FYCO1: variants seen among roughly 807,000 people sequenced by gnomAD.
The protein encoded by FYCO1 is FYVE and coiled-coil domain autophagy adaptor 1.
Under a neutral mutation model 165.1 loss-of-function variants are expected in FYCO1, and 122 were observed. The observed-to-expected ratio is 0.74, with a 90% CI of 0.64 to 0.86. FYCO1 has a LOEUF of 0.86. FYCO1 is among the 40% of genes least tolerant of loss of function. The pLI is 0.00. For missense variants in FYCO1, 1,702 were observed against 1,810.3 expected, an observed-to-expected ratio of 0.94 and a Z score of 1.09; for synonymous variants, 648 against 742.5, an observed-to-expected ratio of 0.87 and a Z score of 2.07.
At chr3:45,991,018 T>C (rs1441926694) in intron 1 of FYCO1, among the ~76,000 whole-genome samples, 1 of 152,128 alleles carries the variant, frequency 6.6e-6, no homozygotes, top group Admixed American at 6.5e-5. Flanking sequence ...GACCTCGTGA[T>C]CCACCCGCCT....
chr3:45,994,702 G>C (rs1362222467), intron 1 of FYCO1, among the ~76,000 whole-genome samples: 1 of 151,908 alleles, frequency 6.6e-6, no homozygotes, highest in Non-Finnish European at 1.5e-5. Flanking sequence ...CAGATGGCAG[G>C]GGAATTAAGC....
rs1219920869 is a variant in FYCO1 at position 45,973,163 on chromosome 3, T to C, written c.464A>G (p.Tyr155Cys). ...KLSSDIVGQL[Y>C]ELTEVQFDLA... ...GTCAAACTGAACCTCAGTCAGCTCA[T>C]AGAGTTGGCCCACAATGTCCGAGCT... Residue 155 changes from tyrosine to cysteine, a missense_variant, in exon 6 of 18, where the codon TAT (tyrosine) becomes TGT (cysteine). Physicochemically the swap from Tyr to Cys is radical, Grantham distance 194 (BLOSUM62 -2). Coordinates refer to ENST00000296137, the MANE Select transcript of FYCO1 (RefSeq NM_024513.4). 21 of 1,614,102 alleles carry C rather than the reference T, an allele frequency of 1.3e-5. No homozygotes were observed. The highest frequency in any genetic ancestry group is 4.0e-5 in the African/African-American group (3 of 74,940).
Position 45,947,174 on chromosome 3 carries a change from G to A in FYCO1, c.3944+8075C>T, listed in dbSNP as rs767173323. The A allele has an allele frequency of 4.5e-5, 73 of 1,614,048 alleles. 1 individual carries two copies. The Admixed American group carries it at 1.2e-3, about 27-fold the overall frequency. On this transcript the variant is annotated intron_variant, in intron 14 of 17. Transcript: ENST00000296137. ...GCTTCCAGAAGCACAGATCTCTAAA[G>A]ATCATCTTCCTGGTGATGGCTGTGT...
intron 1 of FYCO1, among the ~76,000 whole-genome samples, chr3:45,994,189 G>A (rs1266512666): frequency 6.7e-6 from 1 of 149,438 alleles, no homozygotes; most frequent in African/African-American, 2.5e-5. Flanking sequence ...ATCACTGCCT[G>A]AGACTGTTAC....
chr3:45,974,918 C>A (rs1383058750), intron 5 of FYCO1, among the ~76,000 whole-genome samples: 1 of 152,200 alleles, frequency 6.6e-6, no homozygotes, highest in Non-Finnish European at 1.5e-5. Flanking sequence ...ACCTGTCTGT[C>A]CAGTAGTGCT....
At chr3:45,985,879 GA>G (rs1460855461) in intron 1 of FYCO1, among the ~76,000 whole-genome samples, 1 of 152,236 alleles carries the variant, frequency 6.6e-6, no homozygotes, top group African/African-American at 2.4e-5. Context: ...CGTCCTTTCA[GA>G]ACCTCTCATT....
chr3:45,955,357 A>G lies in FYCO1; in HGVS notation c.3836T>C (p.Val1279Ala). ...NTDYRPPDDA[V>A]FDIITDEELC... ...TTCCTCATCTGTGATGATATCAAAC[A>G]CAGCGTCGTCCGGTGGCCTGTAGTC... The change falls in exon 14 of 18, where the codon GTG becomes GCG. Residue 1279 changes from valine to alanine, a missense_variant. By Grantham distance (64) the Val-to-Ala change is moderately conservative. Transcript: ENST00000296137. The G allele has an allele frequency of 2.5e-6, 4 of 1,614,200 alleles. No homozygotes were observed. The highest frequency in any genetic ancestry group is 3.4e-6 in the Non-Finnish European group (4 of 1,180,036).
At chr3:45,984,608 G>T in intron 2 of FYCO1, 1 of 612,270 alleles carries the variant, frequency 1.6e-6, no homozygotes, top group Admixed American at 2.6e-5. Context: ...CCCAGTCCTG[G>T]AGCCGGGTGT....
At chr3:45,981,371 G>A (rs1336461158) in intron 3 of FYCO1, among the ~76,000 whole-genome samples, 199 bp downstream of exon 3, 1 of 152,178 alleles carries the variant, frequency 6.6e-6, no homozygotes, top group Non-Finnish European at 1.5e-5. Context: ...GCCATCCTAA[G>A]GGGCAACATT....
At chr3:45,936,590 A>G in intron 14 of FYCO1, 47 bp from the exon 15 acceptor site, 4 of 1,326,330 alleles carry the variant, frequency 3.0e-6, no homozygotes, top group Non-Finnish European at 4.4e-6. Context: ...ATCAACACAC[A>G]GGGTCTCACA....
chr3:45,930,810 C>T (rs1445790536), intron 16 of FYCO1, among the ~76,000 whole-genome samples: 1 of 152,206 alleles, frequency 6.6e-6, no homozygotes, highest in Non-Finnish European at 1.5e-5. Context: ...ACCCATCTAT[C>T]CCAAGGGCAG....
intron 14 of FYCO1, among the ~76,000 whole-genome samples, chr3:45,938,744 G>A (rs558139584): frequency 2.0e-4 from 31 of 152,276 alleles, no homozygotes; most frequent in African/African-American, 6.0e-4. Context: ...GGCCCACCTC[G>A]GCCTCCCAAA....
Position 45,931,208 on chromosome 3 carries a change from T to C in FYCO1, c.4114A>G (p.Ser1372Gly), listed in dbSNP as rs771794816. ...GTGATGGGGATCAGGCTGTAGGTGC[T>C]GGACCTCACAAACAGCTCCCTGCTA... ...EGSRELFVRSSTYSLIPITVA... is the reference protein window; with the variant it reads ...EGSRELFVRSGTYSLIPITVA... Residue 1372 changes from serine (S) to glycine (G), a missense_variant, in exon 16 of 18, where the codon AGC (serine) becomes GGC (glycine). Physicochemically the swap from Ser to Gly is moderately conservative, Grantham distance 56. Transcript: ENST00000296137. 1.2e-6 allele frequency: 2 copies of C among 1,614,104 alleles called. No homozygotes were observed. Among genetic ancestry groups the C allele is most frequent in the Middle Eastern group, 1.7e-4 (1 of 6,056 alleles).
At chr3:45,945,228 G>A (rs1194817374) in intron 14 of FYCO1, 3 of 152,228 alleles carry the variant, frequency 2.0e-5, no homozygotes, top group Non-Finnish European at 4.4e-5. Context: ...GCAATATTTT[G>A]ACTTTGCTGG....
rs953176567 is a variant in FYCO1 at position 45,919,180 on chromosome 3, T to C, written c.*2585A>G. 1 of 152,172 alleles carries C rather than the reference T, an allele frequency of 6.6e-6. No homozygotes were observed. Among genetic ancestry groups the C allele is most frequent in the Non-Finnish European group, 1.5e-5 (1 of 68,036 alleles). The allele number at this position is 152,172 out of a possible 1,614,324, so 9.4% of individuals were successfully genotyped here. A position where few individuals can be genotyped will look rare whatever the true frequency, so the allele number is the denominator to read the frequency against. On this transcript the variant is annotated 3_prime_UTR_variant, in exon 18 of 18. Coordinates refer to ENST00000296137, the MANE Select transcript of FYCO1 (RefSeq NM_024513.4). The stretch of plus-strand genomic sequence containing the variant: ...ACCACCTGCAGCAGTGGTTCTTCAA[T>C]TGCTATTTGCATTTCTTTAAAGTAC...
chr3:45,973,111 A>C lies in FYCO1; in HGVS notation c.516T>G (p.Asp172Glu). 6.2e-7 allele frequency: 1 copy of C among 1,614,258 alleles called. No homozygotes were observed. The highest frequency in any genetic ancestry group is 8.5e-7 in the Non-Finnish European group (1 of 1,180,046). Reference protein sequence around the residue: ...FDLASRGFDLDAAWPTFARRT... With the variant: ...FDLASRGFDLEAAWPTFARRT... ...ACCTGGCAAATGTTGGCCAGGCAGC[A>C]TCCAAGTCAAAGCCCCTCGACGCCA... Residue 172 changes from aspartate to glutamate, a missense_variant, in exon 6 of 18, where the codon GAT becomes GAG. Physicochemically the swap from Asp to Glu is conservative, Grantham distance 45 (BLOSUM62 2). Coordinates refer to ENST00000296137, the MANE Select transcript of FYCO1 (RefSeq NM_024513.4).
In FYCO1 at chr3:45,958,482, G is replaced by A; in HGVS notation, c.3725C>T (p.Ser1242Leu). 1.2e-6 allele frequency: 2 copies of A among 1,613,938 alleles called. No homozygotes were observed. The highest frequency in any genetic ancestry group is 1.7e-6 in the Non-Finnish European group (2 of 1,180,022). ...GCTGGGCTCTCCCTGGCTAGTGCCT[G>A]AGCCACTGCTATCAGGGGAGCCAGG... ...EGPGSPDSSG[S>L]GTSQGEPSPA... is the part of the protein sequence containing the mutation. The change falls in exon 13 of 18, where the codon TCA becomes TTA. Residue 1242 changes from serine to leucine, a missense_variant. Transcript: ENST00000296137.
At chr3:45,977,352 TATATATATA>T in intron 4 of FYCO1, among the ~76,000 whole-genome samples, 1 of 1,032 alleles carries the variant, frequency 9.7e-4, no homozygotes, top group South Asian at 0.013. Flanking sequence ...CTGAATTAAA[TATATATATA>T]TATATATATA....
In FYCO1 at chr3:45,962,172, G is replaced by GA. The variant is rs1705728834; in HGVS notation, c.3437+52dup. The stretch of plus-strand genomic sequence containing the variant: ...TCAAGAACAGCTGCATTTCTTTAGA[G>GA]AAAAACCCCAGTGTGGGGAAAACCC... On this transcript the variant is annotated intron_variant, in intron 11 of 17. Transcript: ENST00000296137. This position sits in a 1 kb window ranked among gnomAD's most constrained non-coding sequence, Gnocchi z 4.4. 6.3e-7 allele frequency: 1 copy of GA among 1,591,642 alleles called. No homozygotes were observed. The highest frequency in any genetic ancestry group is 1.1e-5 in the South Asian group (1 of 90,644).
Sources: gnomAD v4.1 joint callset for allele counts (sites outside exome capture counted in the v4.1 genomes callset) on GRCh38, gnomAD v4.1.1 for gene constraint, Gnocchi (gnomAD v3.1) non-coding constraint, MANE v1.5 for transcripts, NCBI Gene and HGNC (gene_info 2026-07-23, HGNC 2026-07-21) for gene names.